IL17RB: variants seen among roughly 807,000 people sequenced by gnomAD.
IL17RB encodes the protein interleukin 17 receptor B.
Under a neutral mutation model 43.9 loss-of-function variants are expected in IL17RB, and 36 were observed. The observed-to-expected ratio is 0.82, with a 90% confidence interval of 0.63 to 1.08. The LOEUF (loss-of-function observed/expected upper bound fraction) is 1.08, where lower values mean the gene tolerates loss of function less well. Among genes scored for constraint, IL17RB ranks in the 50% least tolerant of loss-of-function variants. The pLI is 0.00. For synonymous variants in IL17RB, 225 were observed against 225.4 expected (o/e 1.00, Z 0.02); for missense variants, 613 against 613.6 (o/e 1.00, Z 0.01).
At position 53,856,912 on chromosome 3, in the gene IL17RB, A is replaced by T; in HGVS notation, c.598A>T (p.Thr200Ser). 1 of 1,614,120 alleles carries T rather than the reference A, an allele frequency of 6.2e-7. No homozygotes were observed. The highest frequency in any genetic ancestry group is 8.5e-7 in the Non-Finnish European group (1 of 1,179,964). Residue 200 changes from threonine to serine, a missense_variant, in exon 7 of 11, where the codon ACC (threonine) becomes TCC (serine). Coordinates refer to ENST00000288167, the MANE Select transcript of IL17RB (RefSeq NM_018725.4). ...NEETVEVNFT[T>S]TPLGNRYMAL... ...GGAGACAGTAGAAGTGAACTTCACA[A>T]CCACTCCCCTGGGAAACAGATACAT...
At position 53,852,143 on chromosome 3, in the gene IL17RB, T is replaced by C; in HGVS notation, c.354+17T>C. 3.1e-6 allele frequency: 5 copies of C among 1,613,322 alleles called. No individual in the cohort carries two copies. The highest frequency in any genetic ancestry group is 1.3e-5 in the African/African-American group (1 of 74,950). On this transcript the variant is annotated intron_variant, in intron 4 of 10. Coordinates refer to ENST00000288167, the MANE Select transcript of IL17RB (RefSeq NM_018725.4). Reference sequence around the variant, plus strand: ...GGTGGTAAAGTAAGCACTTTTTTGTTTTTTGTTTTGTTTTTTGAGATAGCA... The same window carrying C: ...GGTGGTAAAGTAAGCACTTTTTTGTCTTTTGTTTTGTTTTTTGAGATAGCA...
At chr3:53,857,815 C>G in intron 8 of IL17RB, 125 bp downstream of exon 8, 1 of 846,848 alleles carries the variant, frequency 1.2e-6, no homozygotes, top group Non-Finnish European at 2.0e-6. Context: ...AGTTAAGTGG[C>G]GTTCATGGGG....
At chr3:53,859,054 A>G in intron 9 of IL17RB, 1 of 425,118 alleles carries the variant, frequency 2.4e-6, no homozygotes, top group South Asian at 4.7e-5. Flanking sequence ...CAGGATACAC[A>G]GAAGGGAAAA....
chr3:53,858,332 G>T, intron 8 of IL17RB: 1 of 1,020,056 alleles, frequency 9.8e-7, no homozygotes, highest in Non-Finnish European at 1.2e-6. Context: ...GAGAACCATA[G>T]ACTTCCCTTA....
intron 3 of IL17RB, among the ~76,000 whole-genome samples, chr3:53,851,235 ATG>A (rs1699133009): frequency 6.6e-6 from 1 of 152,182 alleles, no homozygotes. Flanking sequence ...TCAAGAATCC[ATG>A]AGTGCCAGGC....
intron 3 of IL17RB, among the ~76,000 whole-genome samples, chr3:53,850,538 G>T (rs4546140): frequency 0.75 from 112,489 of 149,514 alleles, 42,838 homozygotes; most frequent in East Asian, 0.94. Context: ...GCGTGGTGGC[G>T]CATGCCTGTA....
Position 53,864,770 on chromosome 3 carries a change from C to T in IL17RB, c.971C>T (p.Ser324Phe), listed in dbSNP as rs1699720065. The T allele has an allele frequency of 1.2e-6, 2 of 1,609,890 alleles. No homozygotes were observed. Among genetic ancestry groups the T allele is most frequent in the South Asian group, 2.2e-5 (2 of 90,794 alleles). Residue 324 changes from serine to phenylalanine, a missense_variant, in exon 11 of 11, where the codon TCT becomes TTT. Coordinates refer to ENST00000288167, the MANE Select transcript of IL17RB (RefSeq NM_018725.4). ...GAAAGGATCAAGAAGACTTCCTTTT[C>T]TACCACCACACTACTGCCCCCCATT... ...RHERIKKTSF[S>F]TTTLLPPIKV...
At position 53,862,082 on chromosome 3, in the gene IL17RB, A is replaced by G. The variant is rs144326412; in HGVS notation, c.946+1854A>G. Among the ~76,000 whole-genome samples, 32 of 152,288 alleles carry G rather than the reference A, an allele frequency of 2.1e-4. No homozygotes were observed. The East Asian group carries it at 6.0e-3, about 28-fold the overall frequency. On this transcript the variant is annotated intron_variant, in intron 10 of 10. Transcript: ENST00000288167. ...CTGGACACTGAGAAAACTTTTCTGG[A>G]TTGGTTCCACTGATGCTTTGTCCCT...
At chr3:53,856,412 C>T (rs1699334871) in intron 6 of IL17RB, among the ~76,000 whole-genome samples, 1 of 152,152 alleles carries the variant, frequency 6.6e-6, no homozygotes, top group Non-Finnish European at 1.5e-5. Context: ...GGATGAAGCT[C>T]CTGGAACACA....
At chr3:53,849,604 A>G (rs749970434) in intron 2 of IL17RB, 51 bp from the exon 3 acceptor site, 2 of 1,507,288 alleles carry the variant, frequency 1.3e-6, no homozygotes, top group East Asian at 2.4e-5. Context: ...ATGGCATGGC[A>G]TCAGACTGGG....
rs1199686146 is a variant in IL17RB at position 53,858,873 on chromosome 3, GC to G, written c.847+61del. 4 of 1,351,306 alleles carry G rather than the reference GC, an allele frequency of 3.0e-6. No homozygotes were observed. The African/African-American group carries it at 4.3e-5, about 15-fold the overall frequency. 83.7% of individuals were successfully genotyped at this position (1,351,306 alleles called of 1,614,324 possible). A position where few individuals can be genotyped will look rare whatever the true frequency, so the allele number is the denominator to read the frequency against. On this transcript the variant is annotated intron_variant, in intron 9 of 10. Transcript: ENST00000288167. ...TCAAAGTGGCTCACACACAGTCACT[GC>G]CCCCCACTCAGTATGTGGAAGGGTT... is the stretch of plus-strand genomic sequence containing the variant.
At chr3:53,860,895 T>TA (rs777110470) in intron 10 of IL17RB, 6 of 152,204 alleles carry the variant, frequency 3.9e-5, no homozygotes, top group Non-Finnish European at 8.8e-5. Flanking sequence ...TATCAAAACT[T>TA]AAACACACAC....
intron 6 of IL17RB, 22 bp from the exon 7 acceptor site, chr3:53,856,822 A>C: frequency 6.2e-7 from 1 of 1,613,896 alleles, no homozygotes; most frequent in Non-Finnish European, 8.5e-7. Flanking sequence ...GTTCATCTAC[A>C]TGGTTCTCTC....
At position 53,860,114 on chromosome 3, in the gene IL17RB, G is replaced by C. The variant is rs1699504945; in HGVS notation, c.848-16G>C. 2.5e-6 allele frequency: 4 copies of C among 1,598,554 alleles called. No homozygotes were observed. Among genetic ancestry groups the C allele is most frequent in the Non-Finnish European group, 3.4e-6 (4 of 1,166,784 alleles). ...GGATTTGTTTTCCAAAGGTGAATAA[G>C]CTTTGTTTTTTCCAGACAAAAGCAA... is the stretch of plus-strand genomic sequence containing the variant. On this transcript the variant is annotated splice_polypyrimidine_tract_variant and intron_variant, in intron 9 of 10. Coordinates refer to ENST00000288167, the MANE Select transcript of IL17RB (RefSeq NM_018725.4).
chr3:53,863,014 G>C (rs533220925), intron 10 of IL17RB, among the ~76,000 whole-genome samples: 1 of 152,090 alleles, frequency 6.6e-6, no homozygotes, highest in Non-Finnish European at 1.5e-5. Context: ...TCAACAAGAT[G>C]ATGACAAGAA....
chr3:53,855,186 G>T, intron 5 of IL17RB, 108 bp from the exon 6 acceptor site: 5 of 453,804 alleles, frequency 1.1e-5, no homozygotes, highest in East Asian at 3.8e-5. Flanking sequence ...GGAATGTTTT[G>T]GCAATTTGTT....
chr3:53,861,198 C>T (rs761116159), intron 10 of IL17RB: 5 of 152,014 alleles, frequency 3.3e-5, no homozygotes, highest in Non-Finnish European at 5.9e-5. Flanking sequence ...AGTGCAATAT[C>T]GTAAACCTTC....
chr3:53,858,473 G>A, intron 8 of IL17RB: 1 of 1,339,840 alleles, frequency 7.5e-7, no homozygotes, highest in Non-Finnish European at 9.6e-7. Context: ...AAGCGAACTG[G>A]TATGTTAGTA....
intron 5 of IL17RB, among the ~76,000 whole-genome samples, chr3:53,853,619 C>A (rs1402442748): frequency 6.6e-6 from 1 of 152,218 alleles, no homozygotes; most frequent in Non-Finnish European, 1.5e-5. Flanking sequence ...ATGTCACACA[C>A]AGGGCTGTGA....
Sources: gnomAD v4.1 joint callset for allele counts (sites outside exome capture counted in the v4.1 genomes callset) on GRCh38, gnomAD v4.1.1 for gene constraint, MANE v1.5 for transcripts, NCBI Gene and HGNC (gene_info 2026-07-23, HGNC 2026-07-21) for gene names.